The following THSD7A variants were observed in gnomAD, a reference collection of about 807,000 sequenced individuals.
THSD7A encodes thrombospondin type 1 domain containing 7A.
A neutral mutation model predicts 231.3 loss-of-function variants in THSD7A; 96 were observed. The ratio of observed to expected loss-of-function variants is 0.41; its 90% CI spans 0.35 to 0.49. The LOEUF (loss-of-function observed/expected upper bound fraction) is 0.49. Ranked by LOEUF, THSD7A falls within the 20% of genes least tolerant of loss-of-function variation. The pLI is 0.05. For synonymous variants in THSD7A, 940 were observed against 743.3 expected (o/e 1.26, Z -4.30); for missense variants, 2,290 against 2,070.2 (o/e 1.11, Z -2.06).
At chr7:11,467,422 T>C (rs1223181835) in intron 9 of THSD7A, among the ~76,000 whole-genome samples, 2 of 152,176 alleles carry the variant, frequency 1.3e-5, no homozygotes, top group Non-Finnish European at 2.9e-5. Flanking sequence ...CCTTGATGTC[T>C]GGGACTGTGA....
In THSD7A at chr7:11,374,995, A is replaced by T. The variant is rs909829090; in HGVS notation, c.*799T>A. The T allele has an allele frequency of 1.1e-4, 17 of 152,214 alleles. No individual in the cohort carries two copies. The highest frequency in any genetic ancestry group is 3.9e-4 in the Admixed American group (6 of 15,254). 9.4% of individuals were successfully genotyped at this position (152,214 alleles called of 1,614,324 possible). ...ATCGTGCTGCACTAATATAGTGCAA[A>T]AATGTGCCTTCCATATAGCAAAAAA... On this transcript the variant is annotated 3_prime_UTR_variant, in exon 28 of 28. Coordinates refer to ENST00000423059, the MANE Select transcript of THSD7A (RefSeq NM_015204.3).
chr7:11,514,233 C>T (rs1384973402), intron 6 of THSD7A, among the ~76,000 whole-genome samples: 4 of 152,044 alleles, frequency 2.6e-5, no homozygotes, highest in African/African-American at 9.7e-5. Context: ...ATTGTTTTGA[C>T]ACATTATATT....
chr7:11,659,687 A>T (rs952295113), intron 1 of THSD7A, among the ~76,000 whole-genome samples: 33 of 151,522 alleles, frequency 2.2e-4, no homozygotes, highest in African/African-American at 8.0e-4. Context: ...TACAGATCAC[A>T]TATTAATTGG....
At chr7:11,817,264 A>C (rs545448526) in intron 1 of THSD7A, among the ~76,000 whole-genome samples, 6 of 152,326 alleles carry the variant, frequency 3.9e-5, no homozygotes, top group African/African-American at 1.4e-4. Flanking sequence ...CGAGCAGGAA[A>C]GTCTTGCCAA....
Position 11,461,997 on chromosome 7 carries a change from T to C in THSD7A, c.2501+14A>G. The C allele has an allele frequency of 6.2e-7, 1 of 1,609,998 alleles. No individual in the cohort carries two copies. The highest frequency in any genetic ancestry group is 1.3e-5 in the African/African-American group (1 of 74,882). On this transcript the variant is annotated intron_variant, in intron 10 of 27. Transcript: ENST00000423059. ...GTTCAGCTCCTCCCTCACGATGCAT[T>C]TCTCTAACCCTACCTGTAGCTTTGG...
chr7:11,577,373 G>A (rs1233037682), intron 4 of THSD7A, among the ~76,000 whole-genome samples: 3 of 152,110 alleles, frequency 2.0e-5, no homozygotes, highest in Non-Finnish European at 4.4e-5. Context: ...CTGGAGTGCA[G>A]TGGTGTGATC....
At chr7:11,711,103 A>G (rs76770702) in intron 1 of THSD7A, among the ~76,000 whole-genome samples, 15,181 of 150,944 alleles carry the variant, frequency 0.1, 953 homozygotes, top group South Asian at 0.15. Context: ...TTTATTTTCC[A>G]AGGACCACTA....
rs1782149414 is a variant in THSD7A, at chr7:11,373,674, G to A, written c.*2120C>T. 6.6e-6 allele frequency: 1 copy of A among 151,862 alleles called. No homozygotes were observed. The highest frequency in any genetic ancestry group is 2.1e-4 in the South Asian group (1 of 4,812). 9.4% of individuals were successfully genotyped at this position (151,862 alleles called of 1,614,324 possible). On this transcript the variant is annotated 3_prime_UTR_variant, in exon 28 of 28. Transcript: ENST00000423059. ...TACATACAAATATTTTCATTTTGGG[G>A]ACAATGACATCCTAACCTGATGTCT...
intron 2 of THSD7A, among the ~76,000 whole-genome samples, chr7:11,595,205 A>T (rs1460849376): frequency 6.6e-6 from 1 of 152,154 alleles, no homozygotes; most frequent in Non-Finnish European, 1.5e-5. Flanking sequence ...TAGACCTACA[A>T]CTAGACTAAA....
At chr7:11,415,184 T>A (rs1012075988) in intron 17 of THSD7A, among the ~76,000 whole-genome samples, 5 of 152,192 alleles carry the variant, frequency 3.3e-5, no homozygotes, top group African/African-American at 9.7e-5. Flanking sequence ...GGAAAGTTTT[T>A]AAAAAAATCT....
Position 11,474,339 on chromosome 7 carries a change from G to C in THSD7A, c.2247C>G (p.Pro749=). The C allele has an allele frequency of 1.2e-6, 2 of 1,605,310 alleles. No individual in the cohort carries two copies. The highest frequency in any genetic ancestry group is 1.7e-6 in the Non-Finnish European group (2 of 1,175,370). The stretch of plus-strand genomic sequence containing the variant: ...TGTCATTCTAAAGCTCTTACTTTTT[G>C]GGTCCCACTTGGCCCACATTGACTC... ...CVRVNVGQVG[P]KKCPESLRPE... The change falls in exon 8 of 28, where the codon CCC becomes CCG. Residue 749 remains proline (P), a synonymous_variant. Coordinates refer to ENST00000423059, the MANE Select transcript of THSD7A (RefSeq NM_015204.3). This position sits in a 1 kb window ranked among gnomAD's most constrained non-coding sequence, Gnocchi z 4.1.
chr7:11,666,690 T>C (rs948008420), intron 1 of THSD7A, among the ~76,000 whole-genome samples: 1 of 151,136 alleles, frequency 6.6e-6, no homozygotes, highest in African/African-American at 2.4e-5. Context: ...TTTTGATTCC[T>C]TAAGAAATTA....
At chr7:11,585,453 T>G (rs563644704) in intron 4 of THSD7A, among the ~76,000 whole-genome samples, 1 of 152,328 alleles carries the variant, frequency 6.6e-6, no homozygotes, top group African/African-American at 2.4e-5. Context: ...AAGCCTTGAC[T>G]AATGATCGTT....
intron 1 of THSD7A, among the ~76,000 whole-genome samples, chr7:11,709,617 A>G (rs1301340268): frequency 6.6e-6 from 1 of 150,936 alleles, no homozygotes; most frequent in Non-Finnish European, 1.5e-5. Flanking sequence ...AAATACAGTA[A>G]GGCCTTAACA....
intron 6 of THSD7A, among the ~76,000 whole-genome samples, chr7:11,512,942 G>GATT (rs1554327827): frequency 2.0e-5 from 2 of 101,974 alleles, no homozygotes; most frequent in African/African-American, 4.6e-5. Context: ...AAGAAACTAT[G>GATT]ATATATATAT....
At position 11,379,727 on chromosome 7, in the gene THSD7A, A is replaced by G; in HGVS notation, c.4508-15T>C. 3 of 1,569,738 alleles carry G rather than the reference A, an allele frequency of 1.9e-6. No individual in the cohort carries two copies. The highest frequency in any genetic ancestry group is 2.6e-6 in the Non-Finnish European group (3 of 1,156,400). ...CAAGCAGCCCCCTGCGGAACAGAAA[A>G]TCATGTTTTGACAAATAATATATTT... On this transcript the variant is annotated splice_polypyrimidine_tract_variant and intron_variant, in intron 24 of 27. Coordinates refer to ENST00000423059, the MANE Select transcript of THSD7A (RefSeq NM_015204.3).
At position 11,433,447 on chromosome 7, in the gene THSD7A, T is replaced by C. The variant is rs531754870; in HGVS notation, c.3065-4322A>G. ...AACTTTAAAAGTATCTAAAGTCATTTCCAAATCAATGGCATTATGACCAAA... is the reference window on the plus strand; with the variant it reads ...AACTTTAAAAGTATCTAAAGTCATTCCCAAATCAATGGCATTATGACCAAA... On this transcript the variant is annotated intron_variant, in intron 13 of 27. Coordinates refer to ENST00000423059, the MANE Select transcript of THSD7A (RefSeq NM_015204.3). Among the ~76,000 whole-genome samples, 5 of 152,158 alleles carry C rather than the reference T, an allele frequency of 3.3e-5. No individual in the cohort carries two copies. The South Asian group carries it at 1.0e-3, about 32-fold the overall frequency.
intron 1 of THSD7A, among the ~76,000 whole-genome samples, chr7:11,764,013 A>G (rs1782948589): frequency 6.6e-6 from 1 of 152,212 alleles, no homozygotes; most frequent in Non-Finnish European, 1.5e-5. Flanking sequence ...AAGTTGCATC[A>G]TCCTTTCTCT....
chr7:11,634,610 CAT>C lies in THSD7A; in HGVS notation c.1022+1518_1022+1519del, dbSNP rs781033013. On this transcript the variant is annotated intron_variant, in intron 2 of 27. Transcript: ENST00000423059. The surrounding 1 kb of genome is among the most constrained non-coding windows in gnomAD (Gnocchi z 4.1). ...TCAGAGGTACACACACACACACACA[CAT>C]ACACACACACACATTTAAGGAGTTG... 3.5e-4 allele frequency among the ~76,000 whole-genome samples: 48 copies of C among 137,718 alleles called. No individual in the cohort carries two copies. Among genetic ancestry groups the C allele is most frequent in the South Asian group, 9.5e-4 (4 of 4,222 alleles). The allele number at this position is 137,718 out of a possible 152,430, so 90.3% of individuals were successfully genotyped here. A position where few individuals can be genotyped will look rare whatever the true frequency, so the allele number is the denominator to read the frequency against.
Sources: gnomAD v4.1 joint callset for allele counts (sites outside exome capture counted in the v4.1 genomes callset) on GRCh38, gnomAD v4.1.1 for gene constraint, Gnocchi (gnomAD v3.1) non-coding constraint, MANE v1.5 for transcripts, NCBI Gene and HGNC (gene_info 2026-07-23, HGNC 2026-07-21) for gene names.